The following ADARB1 variants were observed in gnomAD, a reference collection of about 807,000 sequenced individuals.
The protein encoded by ADARB1 is adenosine deaminase RNA specific B1.
ADARB1 carries 10 observed loss-of-function variants against 52.4 expected under a neutral mutation model. That is an observed-to-expected ratio of 0.19 (90% CI 0.12 to 0.32). The LOEUF is 0.32. Among genes scored for constraint, ADARB1 ranks in the 10% least tolerant of loss-of-function variants. The pLI is 1.00. For synonymous variants in ADARB1, 349 were observed against 371.1 expected (o/e 0.94, Z 0.68); for missense variants, 643 against 922.3 (o/e 0.70, Z 3.92).
At chr21:45,149,806 CCTAATGCGGG>C (rs1370192654) in intron 2 of ADARB1, among the ~76,000 whole-genome samples, 2 of 152,230 alleles carry the variant, frequency 1.3e-5, no homozygotes, top group Non-Finnish European at 2.9e-5. Context: ...GTGCTCACGG[CCTAATGCGGG>C]GCTAGCGCAC....
At chr21:45,135,385 G>A (rs905685474) in intron 2 of ADARB1, among the ~76,000 whole-genome samples, 2 of 152,274 alleles carry the variant, frequency 1.3e-5, no homozygotes, top group Admixed American at 1.3e-4. Flanking sequence ...ACCCCTTAGT[G>A]TGGCTGCATA....
At chr21:45,146,617 G>C (rs189787646) in intron 2 of ADARB1, among the ~76,000 whole-genome samples, 1 of 152,358 alleles carries the variant, frequency 6.6e-6, no homozygotes, top group Admixed American at 6.5e-5. Flanking sequence ...TCAGCTTCCT[G>C]TAGAAATCAA....
chr21:45,140,354 G>A (rs938063637), intron 2 of ADARB1, among the ~76,000 whole-genome samples: 1 of 152,192 alleles, frequency 6.6e-6, no homozygotes, highest in Non-Finnish European at 1.5e-5. Flanking sequence ...GGCCCAGGGC[G>A]ACCTTGTCTG....
At position 45,176,509 on chromosome 21, in the gene ADARB1, G is replaced by A. The variant is rs370937062; in HGVS notation, c.808G>A (p.Asp270Asn). 5 of 1,614,066 alleles carry A rather than the reference G, an allele frequency of 3.1e-6. No homozygotes were observed. Among genetic ancestry groups the A allele is most frequent in the African/African-American group, 1.3e-5 (1 of 74,928 alleles). Reference protein sequence around the residue: ...AKSFVMSVVVDGQFFEGSGRN... With the variant: ...AKSFVMSVVVNGQFFEGSGRN... ...GAGCTTCGTCATGTCTGTGGTCGTG[G>A]ATGGTCAGTTCTTTGAAGGCTCGGG... Residue 270 changes from aspartate to asparagine, a missense_variant, in exon 4 of 11, where the codon GAT becomes AAT. Physicochemically the swap from Asp to Asn is conservative, Grantham distance 23. This residue lies in a region of ADARB1 where 380 missense variants were observed against 446.5 expected (regional missense o/e 0.85). Coordinates refer to ENST00000348831, the MANE Select transcript of ADARB1 (RefSeq NM_001112.4). The surrounding 1 kb of genome is among the most constrained non-coding windows in gnomAD (Gnocchi z 5.8).
chr21:45,075,272 G>A (rs1444521583), intron 1 of ADARB1, among the ~76,000 whole-genome samples: 1 of 151,348 alleles, frequency 6.6e-6, no homozygotes, highest in Non-Finnish European at 1.5e-5. Flanking sequence ...ACAAGGCTGC[G>A]CCTGGGGACG....
intron 2 of ADARB1, among the ~76,000 whole-genome samples, chr21:45,158,835 C>G (rs775111609): frequency 1.3e-5 from 2 of 152,078 alleles, no homozygotes. Flanking sequence ...GCCGTTCTTT[C>G]GGTTGACGGT....
chr21:45,092,969 T>TCGAGG (rs895761625), intron 1 of ADARB1, among the ~76,000 whole-genome samples: 1 of 152,122 alleles, frequency 6.6e-6, no homozygotes, highest in African/African-American at 2.4e-5. Context: ...TTTTCTAAAG[T>TCGAGG]CGAGGCTATC....
intron 2 of ADARB1, among the ~76,000 whole-genome samples, chr21:45,155,797 A>G (rs1376573537): frequency 5.1e-5 from 3 of 59,186 alleles, no homozygotes; most frequent in Admixed American, 2.2e-4. Context: ...CCACCCACCC[A>G]TCATCACCCA....
chr21:45,223,134 A>G lies in ADARB1; in HGVS notation c.*937A>G, dbSNP rs1042332852. On this transcript the variant is annotated 3_prime_UTR_variant, in exon 11 of 11. Transcript: ENST00000348831. ...AAGTTCCCTCTGTTCCTTCCTCTGA[A>G]TCGAATGGATGTGGGTGACCGCCCG... is the stretch of plus-strand genomic sequence containing the variant. 2.1e-5 allele frequency: 21 copies of G among 985,320 alleles called. No homozygotes were observed. Among genetic ancestry groups the G allele is most frequent in the African/African-American group, 3.5e-5 (2 of 57,246 alleles). 61.0% of individuals were successfully genotyped at this position (985,320 alleles called of 1,614,324 possible). A position where few individuals can be genotyped will look rare whatever the true frequency, so the allele number is the denominator to read the frequency against.
chr21:45,152,556 A>T (rs2090346941), intron 2 of ADARB1: 1 of 322,026 alleles, frequency 3.1e-6, no homozygotes, highest in Admixed American at 3.7e-5. Flanking sequence ...GCCCCGAGTG[A>T]CTGAGGGACA....
chr21:45,144,554 TG>T, intron 2 of ADARB1: 1 of 417,730 alleles, frequency 2.4e-6, no homozygotes, highest in Non-Finnish European at 4.8e-6. Context: ...AGTAAATCGT[TG>T]CTATTCTGCT....
intron 1 of ADARB1, among the ~76,000 whole-genome samples, chr21:45,077,769 TA>T (rs35161518): frequency 1.2e-3 from 188 of 151,686 alleles, no homozygotes; most frequent in African/African-American, 1.5e-3. Context: ...GAAATGGTGT[TA>T]AAAAAAAACC....
intron 2 of ADARB1, among the ~76,000 whole-genome samples, chr21:45,153,567 G>A (rs966068227): frequency 2.6e-5 from 4 of 152,216 alleles, no homozygotes; most frequent in African/African-American, 9.6e-5. Context: ...GTTTCTTCAG[G>A]AAGTAAAATT....
In ADARB1 at chr21:45,225,565, G is replaced by C. The variant is rs374500062; in HGVS notation, c.*3368G>C. ...CACACAGGTACACTGAGGAGGGGAC[G>C]GCTCCGTCTTCACATTGTGCACAGA... On this transcript the variant is annotated 3_prime_UTR_variant, in exon 11 of 11. Coordinates refer to ENST00000348831, the MANE Select transcript of ADARB1 (RefSeq NM_001112.4). 9.7e-6 allele frequency: 13 copies of C among 1,338,074 alleles called. No individual in the cohort carries two copies. Among genetic ancestry groups the C allele is most frequent in the Non-Finnish European group, 1.1e-5 (11 of 1,032,440 alleles). 82.9% of individuals were successfully genotyped at this position (1,338,074 alleles called of 1,614,324 possible). A position where few individuals can be genotyped will look rare whatever the true frequency, so the allele number is the denominator to read the frequency against.
intron 2 of ADARB1, among the ~76,000 whole-genome samples, chr21:45,143,268 G>C (rs780727788): frequency 6.6e-6 from 1 of 152,120 alleles, no homozygotes; most frequent in Non-Finnish European, 1.5e-5. Flanking sequence ...TCCAAACTCA[G>C]ACCCCAAGTC....
Position 45,185,047 on chromosome 21 carries a change from A to G in ADARB1, c.1521A>G (p.Gln507=). 6.2e-7 allele frequency: 1 copy of G among 1,614,218 alleles called. No homozygotes were observed. Among genetic ancestry groups the G allele is most frequent in the South Asian group, 1.1e-5 (1 of 91,086 alleles). Reference sequence around the variant, plus strand: ...TCCAAACGTGGGACGGGGTGCTGCAAGGGGAGCGGCTGCTCACCATGTCCT... The same window carrying G: ...TCCAAACGTGGGACGGGGTGCTGCAGGGGGAGCGGCTGCTCACCATGTCCT... ...ASIQTWDGVL[Q]GERLLTMSCS... The change falls in exon 8 of 11, where the codon CAA becomes CAG. Residue 507 remains glutamine, a synonymous_variant. Coordinates refer to ENST00000348831, the MANE Select transcript of ADARB1 (RefSeq NM_001112.4).
intron 2 of ADARB1, among the ~76,000 whole-genome samples, chr21:45,167,619 C>T (rs543361958): frequency 1.0e-3 from 153 of 152,146 alleles, no homozygotes; most frequent in Non-Finnish European, 1.9e-3. Context: ...GGCATGGTGG[C>T]ACATCCCTGT....
At chr21:45,116,406 C>G (rs1339243820) in intron 1 of ADARB1, among the ~76,000 whole-genome samples, 1 of 152,216 alleles carries the variant, frequency 6.6e-6, no homozygotes, top group Non-Finnish European at 1.5e-5. Flanking sequence ...AAACAGTATG[C>G]TTATTACAGA....
At chr21:45,110,723 G>A (rs1174609779) in intron 1 of ADARB1, among the ~76,000 whole-genome samples, 2 of 151,732 alleles carry the variant, frequency 1.3e-5, no homozygotes, top group African/African-American at 2.4e-5. Context: ...ATTTTGATTG[G>A]GTAATTAGTT....
Sources: allele counts gnomAD v4.1 joint callset (sites outside exome capture counted in the v4.1 genomes callset), GRCh38; gene constraint gnomAD v4.1.1; regional missense constraint gnomAD v4.1.1; non-coding constraint Gnocchi (gnomAD v3.1); transcripts MANE v1.5; gene names NCBI Gene and HGNC (gene_info 2026-07-23, HGNC 2026-07-21).